The following RHCE variants were observed in gnomAD, a reference collection of about 807,000 sequenced individuals.
RHCE encodes the protein Rh blood group CcEe antigens, also known as blood group Rh(CE) polypeptide.
A neutral mutation model predicts 43.8 loss-of-function variants in RHCE; 22 were observed. The observed-to-expected ratio is 0.50, with a 90% confidence interval of 0.36 to 0.72. The LOEUF is 0.72. Ranked by LOEUF, RHCE falls within the 30% of genes least tolerant of loss-of-function variation. The probability of loss-of-function intolerance (pLI) is 0.00; values close to 1 mark genes in which losing one functional copy is unlikely to be tolerated. For missense variants in RHCE, 385 were observed against 525.4 expected (o/e 0.73, Z 2.61); for synonymous variants, 156 against 210.7 (o/e 0.74, Z 2.25).
chr1:25,391,144 C>A (rs1287360765), intron 4 of RHCE, among the ~76,000 whole-genome samples: 1 of 152,102 alleles, frequency 6.6e-6, no homozygotes, highest in Non-Finnish European at 1.5e-5. Context: ...TACCCCAGGC[C>A]TCCTGAACCT....
intron 1 of RHCE, among the ~76,000 whole-genome samples, chr1:25,415,130 A>C (rs919034378): frequency 2.0e-5 from 3 of 152,084 alleles, no homozygotes; most frequent in African/African-American, 7.2e-5. Context: ...ATCTGCAGCC[A>C]GTCTTAACTC....
At chr1:25,376,001 G>A (rs1645775582) in intron 7 of RHCE, among the ~76,000 whole-genome samples, 1 of 152,002 alleles carries the variant, frequency 6.6e-6, no homozygotes, top group Non-Finnish European at 1.5e-5. Context: ...ATGTTGACCA[G>A]GCTGAACTCG....
At chr1:25,386,103 C>A (rs542931249) in intron 6 of RHCE, among the ~76,000 whole-genome samples, 2 of 152,302 alleles carry the variant, frequency 1.3e-5, no homozygotes, top group East Asian at 3.9e-4. Context: ...TGCTGCTCAT[C>A]TACGGACCAC....
chr1:25,391,311 A>G (rs1646354379), intron 4 of RHCE, among the ~76,000 whole-genome samples: 1 of 152,104 alleles, frequency 6.6e-6, no homozygotes, highest in East Asian at 1.9e-4. Context: ...CAGCCTCCCA[A>G]GTAGCTGGGA....
At chr1:25,413,019 G>C (rs555275642) in intron 1 of RHCE, among the ~76,000 whole-genome samples, 1 of 151,810 alleles carries the variant, frequency 6.6e-6, no homozygotes, top group East Asian at 1.9e-4. Flanking sequence ...GTGAGACTCC[G>C]GCTCAAAAAA....
chr1:25,378,978 A>C (rs947475460), intron 7 of RHCE, among the ~76,000 whole-genome samples: 4 of 152,188 alleles, frequency 2.6e-5, no homozygotes, highest in African/African-American at 7.2e-5. Context: ...TGAGTAAAAG[A>C]AGCATACAAA....
intron 7 of RHCE, among the ~76,000 whole-genome samples, chr1:25,379,455 A>ATATATATATATATATATATATG (rs1645891382): frequency 6.7e-5 from 2 of 29,776 alleles, no homozygotes; most frequent in African/African-American, 2.2e-4. Context: ...ACCAAAGTAT[A>ATATATATATATATATATATATG]TATATATATA....
chr1:25,411,777 A>G lies in RHCE; in HGVS notation c.149-2908T>C, dbSNP rs200587373. ...CTCAGGAGCCAAGCAGGAAATATGTATATGAAGGTGCAGTGCACATGTGGG... is the reference window on the plus strand; with the variant it reads ...CTCAGGAGCCAAGCAGGAAATATGTGTATGAAGGTGCAGTGCACATGTGGG... On this transcript the variant is annotated intron_variant, in intron 1 of 9. Transcript: ENST00000294413. 2.9e-4 allele frequency among the ~76,000 whole-genome samples: 44 copies of G among 152,286 alleles called. No homozygotes were observed. The East Asian group carries it at 6.8e-3, about 23-fold the overall frequency.
chr1:25,372,467 C>T (rs1257019630), intron 8 of RHCE, among the ~76,000 whole-genome samples: 5 of 151,146 alleles, frequency 3.3e-5, no homozygotes, highest in African/African-American at 7.4e-5. Flanking sequence ...TGCGTTGAGC[C>T]GAGATAGCGC....
chr1:25,384,286 C>A (rs1260641074), intron 7 of RHCE, among the ~76,000 whole-genome samples: 2 of 151,794 alleles, frequency 1.3e-5, no homozygotes, highest in African/African-American at 4.8e-5. Context: ...ACATGCAAAA[C>A]TCTAGATTTT....
intron 7 of RHCE, among the ~76,000 whole-genome samples, chr1:25,378,724 C>A (rs1219338426): frequency 6.6e-6 from 1 of 152,186 alleles, no homozygotes; most frequent in Non-Finnish European, 1.5e-5. Flanking sequence ...AGGCCCAGTT[C>A]CCCCTCTCTT....
chr1:25,397,171 T>TG (rs1378235228), intron 3 of RHCE, among the ~76,000 whole-genome samples: 1 of 123,968 alleles, frequency 8.1e-6, no homozygotes, highest in Non-Finnish European at 1.7e-5. Context: ...TAAAGTCACA[T>TG]ACACAGATGA....
At chr1:25,429,872 T>C (rs372366200) in intron 1 of RHCE, 2 of 151,826 alleles carry the variant, frequency 1.3e-5, no homozygotes, top group African/African-American at 4.8e-5. Context: ...CTTTTCTAAG[T>C]GTTACTTTGC....
chr1:25,379,487 ATATATATATTTT>A (rs1334313668), intron 7 of RHCE, among the ~76,000 whole-genome samples: 1 of 20,962 alleles, frequency 4.8e-5, no homozygotes, highest in South Asian at 2.7e-3. Context: ...ATATATATAT[ATATATATATTTT>A]TTTTTTTTTT....
Position 25,408,723 on chromosome 1 carries a change from T to C in RHCE, c.295A>G (p.Ser99Gly). 2.3e-6 allele frequency: 3 copies of C among 1,282,126 alleles called. No homozygotes were observed. Among genetic ancestry groups the C allele is most frequent in the Non-Finnish European group, 3.1e-6 (3 of 962,528 alleles). The allele number at this position is 1,282,126 out of a possible 1,614,324, so 79.4% of individuals were successfully genotyped here. Residue 99 changes from serine to glycine, a missense_variant, in exon 2 of 10, where the codon AGC (serine) becomes GGC (glycine). This residue lies in a region of RHCE where 110 missense variants were observed against 192.1 expected (regional missense o/e 0.57). Coordinates refer to ENST00000294413, the MANE Select transcript of RHCE (RefSeq NM_020485.8). The part of the protein sequence containing the change: ...QWAILLDGFL[S>G]QFPPGKVVIT... ...ACCACCTTCCCAGGAGGGAACTGGCTCAGGAAGCCGTCCAGCAGGATTGCC... is the reference window on the plus strand; with the variant it reads ...ACCACCTTCCCAGGAGGGAACTGGCCCAGGAAGCCGTCCAGCAGGATTGCC...
intron 7 of RHCE, among the ~76,000 whole-genome samples, chr1:25,379,479 ATATATATATATATATATTTTTTTTTT>A (rs200796757): frequency 0.31 from 8,113 of 26,338 alleles, 474 homozygotes; most frequent in Non-Finnish European, 0.34. Flanking sequence ...ATATATATAT[ATATATATATATATATATTTTTTTTTT>A]TTTTTTTTTT....
At chr1:25,419,093 T>C (rs2042688632) in intron 1 of RHCE, among the ~76,000 whole-genome samples, 1 of 152,166 alleles carries the variant, frequency 6.6e-6, no homozygotes, top group African/African-American at 2.4e-5. Context: ...TTGGGCAAAT[T>C]ACTCAACATC....
At chr1:25,424,624 G>T (rs2042791330), upstream of RHCE, among the ~76,000 whole-genome samples, 1 of 152,108 alleles carries the variant, frequency 6.6e-6, no homozygotes, top group South Asian at 2.1e-4. Flanking sequence ...CTGACCTCAA[G>T]TGATCCACCT....
chr1:25,427,899 GTGA>G (rs1442291658), intron 2 of RHCE, among the ~76,000 whole-genome samples: 1 of 152,236 alleles, frequency 6.6e-6, no homozygotes, highest in Non-Finnish European at 1.5e-5. Context: ...GGGTGGGCTG[GTGA>G]CTCAACCAAG....
Sources: allele counts gnomAD v4.1 joint callset (sites outside exome capture counted in the v4.1 genomes callset), GRCh38; gene constraint gnomAD v4.1.1; regional missense constraint gnomAD v4.1.1; transcripts MANE v1.5; gene names NCBI Gene and HGNC (gene_info 2026-07-23, HGNC 2026-07-21).